Variants in LARGE1 observed in about 807,000 individuals in gnomAD.
The protein encoded by LARGE1 is LARGE xylosyl- and glucuronyltransferase 1.
In LARGE1, 43 loss-of-function variants were observed where a neutral mutation model predicts 87.6. The observed-to-expected ratio is 0.49, with a 90% CI of 0.38 to 0.63. LARGE1 has a LOEUF of 0.63. Ranked by LOEUF, LARGE1 falls within the 30% of genes least tolerant of loss-of-function variation. The pLI, the probability that LARGE1 is intolerant of heterozygous loss-of-function variation, is 0.00. For synonymous variants in LARGE1, 434 were observed against 394.6 expected, an observed-to-expected ratio of 1.10 and a Z score of -1.18; for missense variants, 802 against 1,000.2, an observed-to-expected ratio of 0.80 and a Z score of 2.67.
the LARGE1 span, among the ~76,000 whole-genome samples, chr22:33,119,027 T>A: frequency 6.6e-6 from 1 of 152,236 alleles, no homozygotes; most frequent in Non-Finnish European, 1.5e-5. Context: ...TCATTTCAAA[T>A]GGACTAAGCT....
At chr22:33,700,651 C>T (rs958009154) in intron 2 of LARGE1, among the ~76,000 whole-genome samples, 1 of 152,066 alleles carries the variant, frequency 6.6e-6, no homozygotes, top group Admixed American at 6.5e-5. Flanking sequence ...AGGCACAGTC[C>T]CTCTCCCCCA....
At chr22:33,501,986 A>G (rs1224213937) in intron 6 of LARGE1, among the ~76,000 whole-genome samples, 2 of 152,126 alleles carry the variant, frequency 1.3e-5, no homozygotes, top group Non-Finnish European at 2.9e-5. Context: ...TGAGGTCAGG[A>G]GTTTGAGACT....
intron 1 of LARGE1, among the ~76,000 whole-genome samples, chr22:33,870,555 T>C (rs2064245083): frequency 1.5e-5 from 1 of 68,222 alleles, no homozygotes; most frequent in African/African-American, 6.5e-5. Flanking sequence ...CATGACTGTC[T>C]GTGTTGTTGT....
intron 1 of LARGE1, among the ~76,000 whole-genome samples, chr22:33,799,966 G>A (rs1054618890): frequency 5.3e-5 from 8 of 152,186 alleles, no homozygotes; most frequent in African/African-American, 1.9e-4. Flanking sequence ...ATTTAGCCAG[G>A]AAATAGGGAA....
intron 12 of LARGE1, among the ~76,000 whole-genome samples, chr22:33,292,292 C>G (rs1195472634): frequency 6.6e-6 from 1 of 152,182 alleles, no homozygotes; most frequent in Admixed American, 6.5e-5. Flanking sequence ...GGACATATTA[C>G]AAACCCAATT....
intron 2 of LARGE1, among the ~76,000 whole-genome samples, chr22:33,731,272 G>A (rs1334997870): frequency 1.3e-5 from 2 of 152,060 alleles, no homozygotes; most frequent in African/African-American, 4.8e-5. Flanking sequence ...CAAAGTGCTC[G>A]GATTACAGGC....
chr22:33,614,081 G>GT (rs113272301), intron 4 of LARGE1, among the ~76,000 whole-genome samples: 3,499 of 149,476 alleles, frequency 0.023, 122 homozygotes, highest in African/African-American at 0.08. Context: ...AAAACTGCCT[G>GT]TTTTTTTTTT....
At chr22:33,590,014 A>G (rs946401324) in intron 5 of LARGE1, among the ~76,000 whole-genome samples, 2 of 152,202 alleles carry the variant, frequency 1.3e-5, no homozygotes, top group African/African-American at 4.8e-5. Context: ...TCCATATGAT[A>G]GGCAGTTCAA....
chr22:33,089,339 CT>C, the LARGE1 span, among the ~76,000 whole-genome samples: 1 of 79,150 alleles, frequency 1.3e-5, no homozygotes, highest in East Asian at 7.9e-4. Context: ...TCTTCTTCTT[CT>C]TCTTCTTCTT....
chr22:33,439,449 C>T (rs555062955), intron 6 of LARGE1, among the ~76,000 whole-genome samples: 34 of 152,190 alleles, frequency 2.2e-4, no homozygotes, highest in Middle Eastern at 6.8e-3. Flanking sequence ...CCTTTAGCGT[C>T]GGCGACATCT....
chr22:33,546,676 C>T lies in LARGE1; in HGVS notation c.787+18172G>A, dbSNP rs577279288. ...CTCAGCTCACTGCAACCTATGCCTC[C>T]TGTGTTCAAGAAATTCTCAGCCTCA... On this transcript the variant is annotated intron_variant, in intron 6 of 14. Coordinates refer to ENST00000397394, the MANE Select transcript of LARGE1 (RefSeq NM_133642.5). 2.4e-4 allele frequency among the ~76,000 whole-genome samples: 37 copies of T among 152,276 alleles called. 2 individuals carry two copies. The South Asian group carries it at 2.5e-3, about 10-fold the overall frequency.
intron 2 of LARGE1, among the ~76,000 whole-genome samples, chr22:33,670,874 A>G (rs988120619): frequency 5.3e-5 from 8 of 152,180 alleles, no homozygotes; most frequent in Admixed American, 2.0e-4. Context: ...TTTTTCAGAC[A>G]GCTACTAAGT....
rs77748043 is a variant in LARGE1 at position 33,791,904 on chromosome 22, T to C, written c.-82-30346A>G. Among the ~76,000 whole-genome samples, 259 of 152,356 alleles carry C rather than the reference T, an allele frequency of 1.7e-3. 2 individuals are homozygous for C. Among genetic ancestry groups the C allele is most frequent in the African/African-American group, 5.6e-3 (231 of 41,584 alleles). ...ATTTTTATGTGTCTTATTTGTGAAG[T>C]GCATACTGCATGCTAAGACAGGCAC... On this transcript the variant is annotated intron_variant, in intron 1 of 14. Coordinates refer to ENST00000397394, the MANE Select transcript of LARGE1 (RefSeq NM_133642.5).
intron 2 of LARGE1, among the ~76,000 whole-genome samples, chr22:33,653,203 G>C (rs188181210): frequency 6.6e-6 from 1 of 152,296 alleles, no homozygotes; most frequent in Admixed American, 6.5e-5. Flanking sequence ...CACCACGCTA[G>C]GTGGTTCATG....
rs1212013986 is a variant in LARGE1, at chr22:33,741,622, C to T, written c.106+19749G>A. On this transcript the variant is annotated intron_variant, in intron 2 of 14. Coordinates refer to ENST00000397394, the MANE Select transcript of LARGE1 (RefSeq NM_133642.5). ...AGTTGCGAGAAGAGCAGGCTTCTGG[C>T]AGCACCAACACAGCCTGCAAATACC... Among the ~76,000 whole-genome samples the T allele has an allele frequency of 1.3e-5, 2 of 152,204 alleles. 1 individual carries two copies. Among genetic ancestry groups the T allele is most frequent in the Non-Finnish European group, 2.9e-5 (2 of 68,040 alleles).
chr22:33,266,219 CTTT>C (rs983805203), intron 11 of LARGE1, among the ~76,000 whole-genome samples: 3 of 106,900 alleles, frequency 2.8e-5, no homozygotes, highest in Non-Finnish European at 3.6e-5. Flanking sequence ...ATTTTCAGGG[CTTT>C]TTTTTTTTTT....
At chr22:33,483,208 C>T (rs552626903) in intron 6 of LARGE1, among the ~76,000 whole-genome samples, 8 of 152,252 alleles carry the variant, frequency 5.3e-5, no homozygotes, top group South Asian at 4.2e-4. Flanking sequence ...TAGCATCATC[C>T]GGAGGCTCGG....
At chr22:33,181,883 T>C (rs908429060) in intron 11 of LARGE1, among the ~76,000 whole-genome samples, 12 of 146,778 alleles carry the variant, frequency 8.2e-5, no homozygotes, top group Non-Finnish European at 1.6e-4. Context: ...CAGGCTGTAA[T>C]GCAGTGGCAC....
At chr22:33,804,029 T>G (rs1358112525) in intron 1 of LARGE1, among the ~76,000 whole-genome samples, 2 of 152,148 alleles carry the variant, frequency 1.3e-5, no homozygotes, top group Admixed American at 6.5e-5. Context: ...TTAACTGTCT[T>G]CTGTACTCTC....
Sources: allele counts gnomAD v4.1 joint callset (sites outside exome capture counted in the v4.1 genomes callset), GRCh38; gene constraint gnomAD v4.1.1; transcripts MANE v1.5; gene names NCBI Gene and HGNC (gene_info 2026-07-23, HGNC 2026-07-21).